MIER1: variants seen among roughly 807,000 people sequenced by gnomAD.
The protein encoded by MIER1 is mesoderm induction early response protein 1.
MIER1 carries 40 observed loss-of-function variants against 75.7 expected under a neutral mutation model. The observed-to-expected ratio is 0.53, with a 90% CI of 0.41 to 0.69. The LOEUF (loss-of-function observed/expected upper bound fraction) is 0.69, where lower values mean the gene tolerates loss of function less well. Among genes scored for constraint, MIER1 ranks in the 30% least tolerant of loss-of-function variants. The probability of loss-of-function intolerance (pLI) is 0.00; values close to 1 mark genes in which losing one functional copy is unlikely to be tolerated. For synonymous variants in MIER1, 213 were observed against 223.4 expected (o/e 0.95, Z 0.42); for missense variants, 574 against 680.2 (o/e 0.84, Z 1.74).
At chr1:66,943,528 C>A (rs1338094220) in intron 3 of MIER1, among the ~76,000 whole-genome samples, 1 of 151,902 alleles carries the variant, frequency 6.6e-6, no homozygotes, top group East Asian at 1.9e-4. Context: ...TCCTTACTAT[C>A]TTTTCCTTTC....
intron 2 of MIER1, chr1:66,930,263 C>T: frequency 6.5e-7 from 1 of 1,530,664 alleles, no homozygotes. Context: ...CGCGTTCCCG[C>T]CGAGGCAGTG....
chr1:66,926,290 C>A, intron 2 of MIER1, 48 bp downstream of exon 2: 1 of 1,357,440 alleles, frequency 7.4e-7, no homozygotes, highest in South Asian at 1.2e-5. Context: ...ATCCAAACTC[C>A]CTCAAGTAAT....
At chr1:66,953,772 T>G (rs1659521504) in intron 4 of MIER1, among the ~76,000 whole-genome samples, 1 of 151,902 alleles carries the variant, frequency 6.6e-6, no homozygotes, top group Admixed American at 6.6e-5. Flanking sequence ...CCTGGCTAAC[T>G]TTTGTATTTT....
Position 66,972,880 on chromosome 1 carries a change from TC to T in MIER1, c.1007-15del. Reference sequence around the variant, plus strand: ...GGGGGAATATTGCTTAACAGTTTGTTCCTCCCATCTTGTCAGAGGAATTATC... The same window carrying T: ...GGGGGAATATTGCTTAACAGTTTGTTCTCCCATCTTGTCAGAGGAATTATC... On this transcript the variant is annotated splice_polypyrimidine_tract_variant and intron_variant, in intron 10 of 13. Transcript: ENST00000401041. 7.3e-7 allele frequency: 1 copy of T among 1,365,376 alleles called. No homozygotes were observed. The highest frequency in any genetic ancestry group is 2.3e-5 in the East Asian group (1 of 43,338). The allele number at this position is 1,365,376 out of a possible 1,614,324, so 84.6% of individuals were successfully genotyped here. A position where few individuals can be genotyped will look rare whatever the true frequency, so the allele number is the denominator to read the frequency against.
chr1:66,967,312 G>C (rs1208841518), intron 8 of MIER1, among the ~76,000 whole-genome samples: 1 of 152,174 alleles, frequency 6.6e-6, no homozygotes, highest in South Asian at 2.1e-4. Flanking sequence ...TGAGTTCACT[G>C]TAGGTATGTG....
intron 4 of MIER1, chr1:66,947,900 A>G (rs1198742514): frequency 2.6e-5 from 26 of 984,444 alleles, no homozygotes; most frequent in Non-Finnish European, 3.1e-5. Flanking sequence ...TCTCTGGTAT[A>G]TGCATCCCAA....
Position 66,971,693 on chromosome 1 carries a change from A to G in MIER1, c.963A>G (p.Glu321=). Residue 321 remains glutamate (E), a synonymous_variant, in exon 10 of 14, where the codon GAA becomes GAG. Transcript: ENST00000401041. ...YELVKCNFDT[E]EALRRLRFNV... Reference sequence around the variant, plus strand: ...TGGTTAAATGCAATTTTGATACAGAAGAAGCATTGAGAAGATTAAGATTTA... The same window carrying G: ...TGGTTAAATGCAATTTTGATACAGAGGAAGCATTGAGAAGATTAAGATTTA... 6.6e-7 allele frequency: 1 copy of G among 1,511,942 alleles called. No homozygotes were observed. The highest frequency in any genetic ancestry group is 9.1e-7 in the Non-Finnish European group (1 of 1,096,792). The allele number at this position is 1,511,942 out of a possible 1,614,324, so 93.7% of individuals were successfully genotyped here.
intron 8 of MIER1, among the ~76,000 whole-genome samples, chr1:66,966,769 T>G (rs1487293210): frequency 6.6e-6 from 1 of 152,160 alleles, no homozygotes; most frequent in Non-Finnish European, 1.5e-5. Context: ...TTTTGATGCA[T>G]TCATCTGTTG....
intron 11 of MIER1, among the ~76,000 whole-genome samples, chr1:66,973,569 G>A (rs1482094075): frequency 6.6e-6 from 1 of 151,908 alleles, no homozygotes; most frequent in Admixed American, 6.6e-5. Flanking sequence ...TATCAGTCAT[G>A]TAATTTATAC....
In MIER1 at chr1:66,984,583, A is replaced by C. The variant is rs962778719; in HGVS notation, c.1381A>C (p.Asn461His). 1 of 1,592,620 alleles carries C rather than the reference A, an allele frequency of 6.3e-7. No homozygotes were observed. Among genetic ancestry groups the C allele is most frequent in the Non-Finnish European group, 8.5e-7 (1 of 1,172,262 alleles). The stretch of plus-strand genomic sequence containing the variant: ...TTCTTTCAACTTAGGAGTGTCATCT[A>C]ATGGACCAGGTGAAATATTAAACAA... ...STANQNGVSS[N>H]GPGEILNKEE... Residue 461 changes from asparagine to histidine, a missense_variant, in exon 14 of 14, where the codon AAT (asparagine) becomes CAT (histidine). Asn to His is a moderately conservative substitution (Grantham distance 68). Coordinates refer to ENST00000401041, the MANE Select transcript of MIER1 (RefSeq NM_001077700.3).
intron 11 of MIER1, among the ~76,000 whole-genome samples, chr1:66,975,692 C>G (rs1233667066): frequency 6.6e-6 from 1 of 152,100 alleles, no homozygotes; most frequent in Non-Finnish European, 1.5e-5. Flanking sequence ...AGGCATTTAA[C>G]ATTATGTGAG....
chr1:66,930,333 G>T, intron 2 of MIER1: 1 of 1,601,486 alleles, frequency 6.2e-7, no homozygotes, highest in South Asian at 1.1e-5. Context: ...TCACATCCGG[G>T]TTCTGGCCGT....
chr1:66,963,211 A>G (rs1558079881), intron 8 of MIER1, 51 bp downstream of exon 8: 2 of 1,122,204 alleles, frequency 1.8e-6, no homozygotes, highest in Middle Eastern at 4.0e-4. Flanking sequence ...CAGTGTAATG[A>G]ACTGTTACTT....
intron 7 of MIER1, among the ~76,000 whole-genome samples, 196 bp from the exon 8 acceptor site, chr1:66,962,892 G>C (rs7528485): frequency 0.076 from 11,560 of 152,056 alleles, 552 homozygotes; most frequent in African/African-American, 0.13. Flanking sequence ...TTTCACCTCA[G>C]TATTATTACT....
At chr1:66,961,796 T>C (rs1006083091) in intron 7 of MIER1, among the ~76,000 whole-genome samples, 2 of 152,216 alleles carry the variant, frequency 1.3e-5, no homozygotes, top group African/African-American at 4.8e-5. Flanking sequence ...ACTCTTTTTA[T>C]AGTAGAAGAC....
chr1:66,972,354 C>T (rs1570468862), intron 10 of MIER1, among the ~76,000 whole-genome samples: 1 of 151,178 alleles, frequency 6.6e-6, no homozygotes, highest in East Asian at 1.9e-4. Context: ...CCCTTCCCCT[C>T]GTGGTGCTTA....
Position 66,985,281 on chromosome 1 carries a change from T to G in MIER1, c.*381T>G, listed in dbSNP as rs1461972149. On this transcript the variant is annotated 3_prime_UTR_variant, in exon 14 of 14. Transcript: ENST00000401041. ...ACTACAAGGTAATTTTTGCTTAGTT[T>G]GATGGATGAATGGGAAACTCAAGTC... is the stretch of plus-strand genomic sequence containing the variant. The G allele has an allele frequency of 7.1e-6, 7 of 984,028 alleles. No homozygotes were observed. In the Admixed American group the frequency reaches 4.3e-4, roughly 60 times the overall value. 61.0% of individuals were successfully genotyped at this position (984,028 alleles called of 1,614,324 possible).
chr1:66,966,749 C>T (rs1662493507), intron 8 of MIER1, among the ~76,000 whole-genome samples: 1 of 152,150 alleles, frequency 6.6e-6, no homozygotes, highest in Admixed American at 6.6e-5. Context: ...GAGATGGTAT[C>T]TCATTGTGGT....
intron 8 of MIER1, among the ~76,000 whole-genome samples, chr1:66,969,461 C>T (rs925969600): frequency 2.2e-5 from 3 of 137,884 alleles, no homozygotes; most frequent in Admixed American, 8.4e-5. Context: ...AGGAGAATTG[C>T]TTGAACCTGG....
Sources: gnomAD v4.1 joint callset for allele counts (sites outside exome capture counted in the v4.1 genomes callset) on GRCh38, gnomAD v4.1.1 for gene constraint, MANE v1.5 for transcripts, NCBI Gene and HGNC (gene_info 2026-07-23, HGNC 2026-07-21) for gene names.